Variants in ABCA13 observed in about 807,000 individuals in gnomAD.
ABCA13 encodes the protein ATP-binding cassette sub-family A member 13.
In ABCA13, 476 loss-of-function variants were observed where a neutral mutation model predicts 478.7. The ratio of observed to expected loss-of-function variants is 0.99; its 90% CI spans 0.92 to 1.07. The LOEUF (loss-of-function observed/expected upper bound fraction) is 1.07. ABCA13 is among the 50% of genes least tolerant of loss of function. The pLI is 0.00. For missense variants in ABCA13, 6,060 were observed against 5,910.6 expected, an observed-to-expected ratio of 1.03 and a Z score of -0.83; for synonymous variants, 2,252 against 2,158.9, an observed-to-expected ratio of 1.04 and a Z score of -1.20.
intron 57 of ABCA13, 138 bp from the exon 58 acceptor site, chr7:48,594,572 C>T (rs55735040): frequency 0.11 from 75,868 of 713,492 alleles, 4,817 homozygotes; most frequent in East Asian, 0.19. Context: ...CAGAGTGCAA[C>T]AAAGCCAATT....
chr7:48,490,536 C>T (rs1829747731), intron 48 of ABCA13, among the ~76,000 whole-genome samples: 1 of 152,170 alleles, frequency 6.6e-6, no homozygotes, highest in South Asian at 2.1e-4. Flanking sequence ...GGCATGAATA[C>T]AGCATGGTTC....
At chr7:48,450,972 C>CTTTTTTTTT (rs11423408) in intron 42 of ABCA13, among the ~76,000 whole-genome samples, 1 of 139,692 alleles carries the variant, frequency 7.2e-6, no homozygotes, top group Admixed American at 7.2e-5. Flanking sequence ...TTATTATATT[C>CTTTTTTTTT]TTTTTTTTTT....
intron 55 of ABCA13, among the ~76,000 whole-genome samples, chr7:48,565,516 G>T (rs149238347): frequency 1.3e-5 from 2 of 151,982 alleles, no homozygotes; most frequent in Non-Finnish European, 2.9e-5. Context: ...GGTTATATAG[G>T]TGTGTATGTG....
Position 48,240,910 on chromosome 7 carries a change from T to C in ABCA13, c.1106T>C (p.Leu369Pro). ...WQQGSLLQKTLTGMGHSLEAL... is the reference protein window; with the variant it reads ...WQQGSLLQKTPTGMGHSLEAL... ...CAGGGTAGCCTGCTTCAGAAGACACTCACAGGCATGGGCCATAGTCTGGAG... is the reference window on the plus strand; with the variant it reads ...CAGGGTAGCCTGCTTCAGAAGACACCCACAGGCATGGGCCATAGTCTGGAG... Residue 369 changes from leucine to proline, a missense_variant, in exon 10 of 62, where the codon CTC (leucine) becomes CCC (proline). This residue lies in a region of ABCA13 where 4,423 missense variants were observed against 4,309.1 expected (regional missense o/e 1.03). Transcript: ENST00000435803. The C allele has an allele frequency of 6.2e-7, 1 of 1,602,938 alleles. No homozygotes were observed. The highest frequency in any genetic ancestry group is 8.5e-7 in the Non-Finnish European group (1 of 1,172,978).
intron 42 of ABCA13, among the ~76,000 whole-genome samples, chr7:48,448,013 G>C (rs770512370): frequency 2.0e-5 from 3 of 152,036 alleles, no homozygotes; most frequent in Non-Finnish European, 4.4e-5. Flanking sequence ...AGATGCCACC[G>C]TAAGGGCTCC....
intron 59 of ABCA13, among the ~76,000 whole-genome samples, chr7:48,627,834 A>G (rs1793806642): frequency 6.6e-6 from 1 of 152,210 alleles, no homozygotes; most frequent in African/African-American, 2.4e-5. Context: ...AGTGCAAGCT[A>G]AAAGAGACAA....
At chr7:48,345,234 T>A (rs1807885971) in intron 29 of ABCA13, among the ~76,000 whole-genome samples, 1 of 152,206 alleles carries the variant, frequency 6.6e-6, no homozygotes, top group East Asian at 1.9e-4. Flanking sequence ...TACTTGATCA[T>A]CGTAATAAAC....
In ABCA13 at chr7:48,341,879, G is replaced by GATATATATATATATCTTTCTGAT. The variant is rs1563084644; in HGVS notation, c.10204+3438_10204+3439insCTTTCTGATATATATATATATAT. Reference sequence around the variant, plus strand: ...CTGATATATATATATATATCTTTCTGATATATATATATATATCTTTCTGAT... The same window carrying GATATATATATATATCTTTCTGAT: ...CTGATATATATATATATATCTTTCTGATATATATATATATCTTTCTGATATATATATATATATATCTTTCTGAT... On this transcript the variant is annotated intron_variant, in intron 29 of 61. Coordinates refer to ENST00000435803, the MANE Select transcript of ABCA13 (RefSeq NM_152701.5). 2.6e-3 allele frequency among the ~76,000 whole-genome samples: 80 copies of GATATATATATATATCTTTCTGAT among 31,334 alleles called. 2 individuals are homozygous for GATATATATATATATCTTTCTGAT. Among genetic ancestry groups the GATATATATATATATCTTTCTGAT allele is most frequent in the African/African-American group, 6.3e-3 (57 of 9,032 alleles). The allele number at this position is 31,334 out of a possible 152,430, so 20.6% of individuals were successfully genotyped here.
chr7:48,566,473 A>T (rs1787074850), intron 55 of ABCA13, among the ~76,000 whole-genome samples: 1 of 152,204 alleles, frequency 6.6e-6, no homozygotes, highest in East Asian at 1.9e-4. Context: ...TATGATTGAC[A>T]GTGATTTTGA....
At chr7:48,412,313 A>G (rs1819368960) in intron 40 of ABCA13, 40 bp from the exon 41 acceptor site, 4 of 1,505,316 alleles carry the variant, frequency 2.7e-6, no homozygotes, top group South Asian at 1.2e-5. Context: ...ATGGATTAAC[A>G]TTCCTTACTG....
At chr7:48,248,493 T>G in intron 14 of ABCA13, 49 bp downstream of exon 14, 1 of 1,382,158 alleles carries the variant, frequency 7.2e-7, no homozygotes. Context: ...GACATCAGAA[T>G]GATTTCAACT....
intron 55 of ABCA13, among the ~76,000 whole-genome samples, chr7:48,546,650 T>G (rs1784841546): frequency 6.6e-6 from 1 of 151,650 alleles, no homozygotes; most frequent in Non-Finnish European, 1.5e-5. Context: ...GGATAAACTG[T>G]TTTTTCCTTA....
intron 20 of ABCA13, 75 bp from the exon 21 acceptor site, chr7:48,295,625 G>A: frequency 6.4e-7 from 1 of 1,565,870 alleles, no homozygotes; most frequent in South Asian, 1.1e-5. Context: ...TGTTTCCTGA[G>A]ACTAATGAGA....
intron 19 of ABCA13, among the ~76,000 whole-genome samples, chr7:48,282,656 C>A (rs1797205439): frequency 1.3e-5 from 2 of 152,200 alleles, no homozygotes; most frequent in African/African-American, 4.8e-5. Context: ...CCTTGATTTA[C>A]TCCTGGATCA....
intron 47 of ABCA13, among the ~76,000 whole-genome samples, chr7:48,486,106 A>G (rs961737115): frequency 1.3e-5 from 2 of 152,100 alleles, no homozygotes; most frequent in Non-Finnish European, 2.9e-5. Flanking sequence ...GAGATCCACA[A>G]GCTACTCTCA....
intron 29 of ABCA13, among the ~76,000 whole-genome samples, chr7:48,338,745 C>T (rs987902538): frequency 4.6e-5 from 7 of 152,144 alleles, no homozygotes; most frequent in Non-Finnish European, 8.8e-5. Context: ...AATTACAAAA[C>T]AAGTTTATAA....
intron 39 of ABCA13, among the ~76,000 whole-genome samples, chr7:48,409,365 T>G (rs901485756): frequency 6.6e-6 from 1 of 152,232 alleles, no homozygotes; most frequent in Non-Finnish European, 1.5e-5. Flanking sequence ...GCAAAAGTCG[T>G]AAAACTTGAC....
At chr7:48,313,830 A>T (rs901173745) in intron 25 of ABCA13, among the ~76,000 whole-genome samples, 1 of 152,232 alleles carries the variant, frequency 6.6e-6, no homozygotes, top group African/African-American at 2.4e-5. Context: ...TAAGTCCATC[A>T]TGTGATAGAT....
intron 42 of ABCA13, among the ~76,000 whole-genome samples, chr7:48,428,895 T>C (rs1821777801): frequency 6.6e-6 from 1 of 152,228 alleles, no homozygotes; most frequent in South Asian, 2.1e-4. Flanking sequence ...ATCAACCTTA[T>C]ACCATTTTCA....
Sources: gnomAD v4.1 joint callset for allele counts (sites outside exome capture counted in the v4.1 genomes callset) on GRCh38, gnomAD v4.1.1 for gene constraint, gnomAD v4.1.1 regional missense constraint, MANE v1.5 for transcripts, NCBI Gene and HGNC (gene_info 2026-07-23, HGNC 2026-07-21) for gene names.